The following SCAI variants were observed in gnomAD, a reference collection of about 807,000 sequenced individuals.
SCAI encodes the protein suppressor of cancer cell invasion.
SCAI carries 24 observed loss-of-function variants against 92.2 expected under a neutral mutation model. That is an observed-to-expected ratio of 0.26 (90% CI 0.19 to 0.37). The LOEUF (loss-of-function observed/expected upper bound fraction) is 0.37, where lower values mean the gene tolerates loss of function less well. SCAI is among the 10% of genes least tolerant of loss of function. The pLI is 1.00. For missense variants in SCAI, 450 were observed against 736.2 expected (o/e 0.61, Z 4.50); for synonymous variants, 261 against 258.6 (o/e 1.01, Z -0.09).
At chr9:125,074,388 C>T (rs1224797195) in intron 2 of SCAI, among the ~76,000 whole-genome samples, 1 of 151,310 alleles carries the variant, frequency 6.6e-6, no homozygotes, top group African/African-American at 2.4e-5. Context: ...TCCTGAGTAG[C>T]TGGGATTACA....
chr9:125,120,398 A>T (rs997597677), intron 2 of SCAI, among the ~76,000 whole-genome samples: 1 of 152,192 alleles, frequency 6.6e-6, no homozygotes, highest in Non-Finnish European at 1.5e-5. Flanking sequence ...TGATAAAGAA[A>T]AACAGGAGGA....
intron 3 of SCAI, among the ~76,000 whole-genome samples, chr9:125,051,483 C>G (rs996831240): frequency 6.6e-6 from 1 of 152,088 alleles, no homozygotes; most frequent in Non-Finnish European, 1.5e-5. Context: ...CGACTCTATA[C>G]CTGGGATATA....
chr9:125,032,195 A>ATATATT lies in SCAI; in HGVS notation c.231-2457_231-2456insAATATA, dbSNP rs1177865840. Among the ~76,000 whole-genome samples the ATATATT allele has an allele frequency of 1.4e-3, 139 of 99,430 alleles. 4 individuals carry two copies. The highest frequency in any genetic ancestry group is 7.9e-3 in the East Asian group (24 of 3,054). 65.2% of individuals were successfully genotyped at this position (99,430 alleles called of 152,430 possible). ...AATATATATATATATATATATATAT[A>ATATATT]TTTTTTTTTTTTTTTGAGATGGAGT... On this transcript the variant is annotated intron_variant, in intron 3 of 17. Coordinates refer to ENST00000336505, the MANE Select transcript of SCAI (RefSeq NM_001144877.3).
chr9:125,032,674 C>T (rs141831167), intron 3 of SCAI, among the ~76,000 whole-genome samples: 19,728 of 146,424 alleles, frequency 0.13, 1,717 homozygotes, highest in Non-Finnish European at 0.19. Context: ...AGTGCAGTGG[C>T]GCGACCTCAG....
At chr9:125,014,497 G>A (rs1270544242) in intron 9 of SCAI, among the ~76,000 whole-genome samples, 1 of 152,076 alleles carries the variant, frequency 6.6e-6, no homozygotes, top group East Asian at 1.9e-4. Context: ...CCTCTTCAAG[G>A]AGAACTACAA....
chr9:124,960,232 C>CTATT (rs371299416), intron 17 of SCAI, among the ~76,000 whole-genome samples: 3 of 152,028 alleles, frequency 2.0e-5, no homozygotes, highest in East Asian at 1.9e-4. Flanking sequence ...TATTAGCCAA[C>CTATT]TATTTATTTA....
intron 17 of SCAI, among the ~76,000 whole-genome samples, chr9:124,961,509 G>A (rs527500752): frequency 3.3e-5 from 5 of 151,976 alleles, no homozygotes; most frequent in Non-Finnish European, 5.9e-5. Context: ...AATTAGCTGG[G>A]CGTGGTGGCA....
chr9:124,968,192 T>TGAAAAACAAAAAAC (rs1195764521), intron 17 of SCAI: 2 of 684,930 alleles, frequency 2.9e-6, no homozygotes, highest in Admixed American at 2.9e-5. Context: ...AAAGCAGGAA[T>TGAAAAACAAAAAAC]GAAAAACAAA....
intron 14 of SCAI, among the ~76,000 whole-genome samples, chr9:124,976,618 T>C (rs184077841): frequency 1.6e-4 from 24 of 152,208 alleles, no homozygotes; most frequent in African/African-American, 4.8e-4. Flanking sequence ...TCTCATGGAA[T>C]GACATAAAAG....
At chr9:125,023,717 G>A (rs1232108952) in intron 6 of SCAI, among the ~76,000 whole-genome samples, 1 of 151,920 alleles carries the variant, frequency 6.6e-6, no homozygotes, top group African/African-American at 2.4e-5. Flanking sequence ...ACAAAAACAG[G>A]CCATGGGCCC....
chr9:125,131,923 C>T (rs758506361), intron 2 of SCAI, among the ~76,000 whole-genome samples: 1 of 152,176 alleles, frequency 6.6e-6, no homozygotes, highest in Non-Finnish European at 1.5e-5. Flanking sequence ...TGGAGATAAA[C>T]ACTACCTGTC....
intron 2 of SCAI, among the ~76,000 whole-genome samples, chr9:125,099,302 T>A: frequency 6.6e-6 from 1 of 151,868 alleles, no homozygotes. Flanking sequence ...TTTTTTTTTT[T>A]GAGACAGTAT....
At chr9:125,124,420 TA>T (rs1237775064) in intron 2 of SCAI, among the ~76,000 whole-genome samples, 1 of 152,168 alleles carries the variant, frequency 6.6e-6, no homozygotes, top group Non-Finnish European at 1.5e-5. Flanking sequence ...AGTCCAAGTC[TA>T]AAGGCCTGAG....
intron 14 of SCAI, among the ~76,000 whole-genome samples, chr9:124,987,322 G>A (rs1349281456): frequency 9.5e-6 from 1 of 105,480 alleles, no homozygotes; most frequent in Admixed American, 9.4e-5. Context: ...GCACCTGGAT[G>A]GCTTTTTTTT....
Position 125,104,676 on chromosome 9 carries a change from G to A in SCAI, c.98+37957C>T, listed in dbSNP as rs569530495. Among the ~76,000 whole-genome samples, 39 of 151,338 alleles carry A rather than the reference G, an allele frequency of 2.6e-4. No homozygotes were observed. The South Asian group carries it at 7.3e-3, about 28-fold the overall frequency. On this transcript the variant is annotated intron_variant, in intron 2 of 17. Coordinates refer to ENST00000336505, the MANE Select transcript of SCAI (RefSeq NM_001144877.3). Reference sequence around the variant, plus strand: ...CCCAGCACTTTGGGAGGGTGAGGCAGGTGGATCACAAGATTAGGAGTTCAA... The same window carrying A: ...CCCAGCACTTTGGGAGGGTGAGGCAAGTGGATCACAAGATTAGGAGTTCAA...
chr9:125,034,037 T>C (rs1833139239), intron 3 of SCAI, among the ~76,000 whole-genome samples: 1 of 152,246 alleles, frequency 6.6e-6, no homozygotes, highest in African/African-American at 2.4e-5. Flanking sequence ...GCTACAAAGA[T>C]GTGAACAGAG....
intron 13 of SCAI, among the ~76,000 whole-genome samples, chr9:124,995,370 TAAC>T (rs1383298343): frequency 6.6e-6 from 1 of 152,206 alleles, no homozygotes; most frequent in East Asian, 1.9e-4. Context: ...CAAGATGTAA[TAAC>T]AAAACCAGAT....
At position 125,020,778 on chromosome 9, in the gene SCAI, G is replaced by A. The variant is rs1832855869; in HGVS notation, c.513-9C>T. 2.4e-6 allele frequency: 3 copies of A among 1,258,564 alleles called. No homozygotes were observed. The highest frequency in any genetic ancestry group is 1.4e-5 in the South Asian group (1 of 72,224). 78.0% of individuals were successfully genotyped at this position (1,258,564 alleles called of 1,614,324 possible). On this transcript the variant is annotated splice_polypyrimidine_tract_variant and intron_variant, in intron 6 of 17. Coordinates refer to ENST00000336505, the MANE Select transcript of SCAI (RefSeq NM_001144877.3). Reference sequence around the variant, plus strand: ...TAACTACCAATTCAGGTCTATGGAAGATAAATGAAAAATTACTCATTAGAT... The same window carrying A: ...TAACTACCAATTCAGGTCTATGGAAAATAAATGAAAAATTACTCATTAGAT...
chr9:125,032,196 T>TA (rs1491338051), intron 3 of SCAI, among the ~76,000 whole-genome samples: 2,293 of 64,926 alleles, frequency 0.035, 25 homozygotes, highest in African/African-American at 0.1. Context: ...TATATATATA[T>TA]TTTTTTTTTT....
Sources: allele counts gnomAD v4.1 joint callset (sites outside exome capture counted in the v4.1 genomes callset), GRCh38; gene constraint gnomAD v4.1.1; transcripts MANE v1.5; gene names NCBI Gene and HGNC (gene_info 2026-07-23, HGNC 2026-07-21).